ANO6: variants seen among roughly 807,000 people sequenced by gnomAD.
ANO6 encodes the protein anoctamin-6.
ANO6 carries 106 observed loss-of-function variants against 117.5 expected under a neutral mutation model. That is an observed-to-expected ratio of 0.90 (90% confidence interval 0.77 to 1.06). The LOEUF is 1.06. ANO6 is among the 50% of genes least tolerant of loss of function. ANO6 has a pLI of 0.00. For synonymous variants in ANO6, 367 were observed against 385.1 expected (o/e 0.95, Z 0.55); for missense variants, 955 against 1,121.1 (o/e 0.85, Z 2.12).
chr12:45,229,413 A>T (rs147024268), intron 1 of ANO6, among the ~76,000 whole-genome samples: 1 of 125,992 alleles, frequency 7.9e-6, no homozygotes, highest in Non-Finnish European at 1.6e-5. Flanking sequence ...TTTTTGAGAC[A>T]GTGTCTCACT....
intron 1 of ANO6, among the ~76,000 whole-genome samples, chr12:45,258,857 A>G (rs902777624): frequency 1.3e-5 from 2 of 152,196 alleles, no homozygotes; most frequent in Admixed American, 6.5e-5. Context: ...AAAGATTGTT[A>G]AGTTATAGTC....
rs149972021 is a variant in ANO6 at position 45,277,454 on chromosome 12, C to T, written c.71-24560C>T. ...TCCCACAGCCTTCTGATCTCCTCCA[C>T]GCTGCCCAGGTTGGTCTTTAGACCT... On this transcript the variant is annotated intron_variant, in intron 1 of 19. Transcript: ENST00000320560. Among the ~76,000 whole-genome samples the T allele has an allele frequency of 3.7e-3, 560 of 152,310 alleles. 3 individuals are homozygous for T. Among genetic ancestry groups the T allele is most frequent in the African/African-American group, 0.012 (511 of 41,562 alleles).
At chr12:45,388,346 C>A in intron 11 of ANO6, 43 bp downstream of exon 11, 2 of 1,611,498 alleles carry the variant, frequency 1.2e-6, no homozygotes, top group Non-Finnish European at 1.7e-6. Context: ...CTACTTACTG[C>A]TGTGGTTCTC....
At chr12:45,306,648 G>A (rs1434544263) in intron 2 of ANO6, among the ~76,000 whole-genome samples, 1 of 152,086 alleles carries the variant, frequency 6.6e-6, no homozygotes, top group Admixed American at 6.6e-5. Flanking sequence ...AAACACATGT[G>A]ATCCCAAGGA....
chr12:45,403,920 G>A (rs1410781831), intron 15 of ANO6, among the ~76,000 whole-genome samples: 1 of 151,900 alleles, frequency 6.6e-6, no homozygotes, highest in Non-Finnish European at 1.5e-5. Flanking sequence ...TATATATTAT[G>A]CATTTAAAAG....
chr12:45,226,121 A>G (rs1020972543), intron 1 of ANO6, among the ~76,000 whole-genome samples: 1 of 152,234 alleles, frequency 6.6e-6, no homozygotes. Context: ...TTGGACATGG[A>G]CCAAAGAGCA....
chr12:45,243,942 A>G (rs1175446300), intron 1 of ANO6, among the ~76,000 whole-genome samples: 2 of 152,234 alleles, frequency 1.3e-5, no homozygotes, highest in African/African-American at 4.8e-5. Context: ...CTTGCCTGAT[A>G]CTATGCAGTT....
intron 1 of ANO6, among the ~76,000 whole-genome samples, chr12:45,260,890 C>T (rs1938005462): frequency 6.6e-6 from 1 of 152,082 alleles, no homozygotes; most frequent in African/African-American, 2.4e-5. Flanking sequence ...TGGGCTCAAG[C>T]AATCCTCTTG....
chr12:45,403,416 G>A, intron 14 of ANO6, 23 bp from the exon 15 acceptor site: 2 of 1,585,636 alleles, frequency 1.3e-6, no homozygotes, highest in Non-Finnish European at 1.7e-6. Flanking sequence ...TATTTAAATG[G>A]TATTTTCTTT....
chr12:45,357,503 T>C, intron 8 of ANO6, 79 bp downstream of exon 8: 1 of 1,541,872 alleles, frequency 6.5e-7, no homozygotes, highest in East Asian at 2.3e-5. Context: ...TAAACTGTTT[T>C]GGTAAGACAA....
intron 9 of ANO6, among the ~76,000 whole-genome samples, chr12:45,371,130 C>A (rs1941818965): frequency 6.6e-6 from 1 of 152,188 alleles, no homozygotes; most frequent in Non-Finnish European, 1.5e-5. Flanking sequence ...GTCACTCCCA[C>A]CCGAATACTG....
intron 15 of ANO6, among the ~76,000 whole-genome samples, chr12:45,405,880 C>T (rs1411488023): frequency 1.3e-5 from 2 of 152,042 alleles, no homozygotes; most frequent in African/African-American, 4.8e-5. Context: ...GCACTCCAGC[C>T]TAGGCAACAA....
intron 1 of ANO6, among the ~76,000 whole-genome samples, chr12:45,229,059 A>G (rs541682383): frequency 1.3e-5 from 2 of 152,300 alleles, no homozygotes; most frequent in African/African-American, 4.8e-5. Flanking sequence ...AAGTGTGGGT[A>G]TTACAGATGA....
At chr12:45,435,712 T>C (rs1943699746), downstream of ANO6, among the ~76,000 whole-genome samples, 1 of 32,304 alleles carries the variant, frequency 3.1e-5, no homozygotes, top group Admixed American at 4.3e-4. Flanking sequence ...ACAAACTCAC[T>C]GAAAAAAAAA....
intron 7 of ANO6, among the ~76,000 whole-genome samples, chr12:45,353,094 A>G (rs553849061): frequency 1.2e-3 from 182 of 145,660 alleles, no homozygotes; most frequent in African/African-American, 4.9e-3. Context: ...ATTTTATACA[A>G]GAATACGTGA....
chr12:45,264,106 G>T (rs1054840253), intron 1 of ANO6, among the ~76,000 whole-genome samples: 3 of 152,022 alleles, frequency 2.0e-5, no homozygotes, highest in African/African-American at 4.8e-5. Context: ...TGTAATGAGG[G>T]GTTATAGCTC....
chr12:45,266,169 A>T (rs181978120), intron 1 of ANO6, among the ~76,000 whole-genome samples: 4 of 152,208 alleles, frequency 2.6e-5, no homozygotes, highest in Admixed American at 6.5e-5. Context: ...AGTTGTCTGC[A>T]TCTTAACCCA....
chr12:45,343,910 G>GCTT (rs3040965), intron 3 of ANO6, among the ~76,000 whole-genome samples: 84,702 of 151,478 alleles, frequency 0.56, 24,524 homozygotes, highest in East Asian at 0.88. Context: ...GCTTGGCCTG[G>GCTT]CTTTGCATCA....
chr12:45,292,812 T>C (rs1241363323), intron 1 of ANO6: 2 of 1,510,406 alleles, frequency 1.3e-6, no homozygotes, highest in Non-Finnish European at 1.8e-6. Flanking sequence ...TATTGCTGTT[T>C]GTGGATGATA....
Sources: allele counts gnomAD v4.1 joint callset (sites outside exome capture counted in the v4.1 genomes callset), GRCh38; gene constraint gnomAD v4.1.1; transcripts MANE v1.5; gene names NCBI Gene and HGNC (gene_info 2026-07-23, HGNC 2026-07-21).